PTPRD: variants seen among roughly 807,000 people sequenced by gnomAD.
The protein encoded by PTPRD is receptor-type tyrosine-protein phosphatase delta.
PTPRD carries 34 observed loss-of-function variants against 214.5 expected under a neutral mutation model. That is an observed-to-expected ratio of 0.16 (90% CI 0.12 to 0.21). The LOEUF (loss-of-function observed/expected upper bound fraction) is 0.21. Among genes scored for constraint, PTPRD ranks in the 10% least tolerant of loss-of-function variants. The pLI is 1.00. For synonymous variants in PTPRD, 1,128 were observed against 845.7 expected (o/e 1.33, Z -5.79); for missense variants, 2,545 against 2,398.7 (o/e 1.06, Z -1.27).
At chr9:10,215,806 A>G (rs1045373086) in intron 3 of PTPRD, among the ~76,000 whole-genome samples, 1 of 152,088 alleles carries the variant, frequency 6.6e-6, no homozygotes, top group Non-Finnish European at 1.5e-5. Context: ...ATGTATATCA[A>G]CATCCTTAAA....
intron 12 of PTPRD, among the ~76,000 whole-genome samples, chr9:8,643,282 A>T (rs1023871063): frequency 6.6e-6 from 1 of 152,114 alleles, no homozygotes; most frequent in African/African-American, 2.4e-5. Context: ...GAGTCTTGCA[A>T]GATGTTATCA....
At chr9:10,006,802 T>G (rs2096486691) in intron 4 of PTPRD, among the ~76,000 whole-genome samples, 1 of 151,920 alleles carries the variant, frequency 6.6e-6, no homozygotes. Context: ...TCTAGATATA[T>G]TCTATTGACA....
chr9:9,405,367 T>C (rs2072867910), intron 8 of PTPRD, among the ~76,000 whole-genome samples: 1 of 152,040 alleles, frequency 6.6e-6, no homozygotes, highest in East Asian at 1.9e-4. Flanking sequence ...CCAATTACCA[T>C]AGAAGTTGTA....
rs548094460 is a variant in PTPRD, at chr9:8,507,134, G to T, written c.1677+167C>A. 2.3e-3 allele frequency among the ~76,000 whole-genome samples: 342 copies of T among 151,864 alleles called. 1 individual carries two copies. The highest frequency in any genetic ancestry group is 3.9e-3 in the Non-Finnish European group (266 of 67,926). ...TTTTTGTCATTGTTGTTGTTTTGGGGTTTTTCTTGGGGGGGAGGGGGAGTC... is the reference window on the plus strand; with the variant it reads ...TTTTTGTCATTGTTGTTGTTTTGGGTTTTTTCTTGGGGGGGAGGGGGAGTC... On this transcript the variant is annotated intron_variant, in intron 22 of 45. Transcript: ENST00000381196.
chr9:10,365,698 C>T (rs771972468), intron 2 of PTPRD, among the ~76,000 whole-genome samples: 1 of 151,952 alleles, frequency 6.6e-6, no homozygotes, highest in African/African-American at 2.4e-5. Flanking sequence ...AAAAACAAAC[C>T]ATTAGGTTTA....
In PTPRD at chr9:9,395,005, G is replaced by T. The variant is rs2067245890; in HGVS notation, c.-203+2444C>A. On this transcript the variant is annotated intron_variant, in intron 9 of 45. Coordinates refer to ENST00000381196, the MANE Select transcript of PTPRD (RefSeq NM_002839.4). ...TGATTTAATTAGAGAAGCTATTTTGGTACAGGGGTTTTTCCATTGACCTAT... is the reference window on the plus strand; with the variant it reads ...TGATTTAATTAGAGAAGCTATTTTGTTACAGGGGTTTTTCCATTGACCTAT... 3.3e-5 allele frequency among the ~76,000 whole-genome samples: 5 copies of T among 151,948 alleles called. No homozygotes were observed. In the South Asian group the frequency reaches 8.3e-4, roughly 25 times the overall value.
At chr9:8,611,733 AAAAAGAAAAG>A (rs1363557439) in intron 14 of PTPRD, among the ~76,000 whole-genome samples, 1 of 148,948 alleles carries the variant, frequency 6.7e-6, no homozygotes, top group South Asian at 2.1e-4. Context: ...AGACAAAAGA[AAAAAGAAAAG>A]AAAAGAAAAG....
intron 7 of PTPRD, among the ~76,000 whole-genome samples, chr9:9,576,233 C>T (rs926773917): frequency 6.6e-6 from 1 of 152,102 alleles, no homozygotes; most frequent in Non-Finnish European, 1.5e-5. Context: ...AATAATACTT[C>T]ATTCTTAGGA....
At chr9:9,719,978 T>C (rs114385962) in intron 7 of PTPRD, among the ~76,000 whole-genome samples, 3,034 of 152,198 alleles carry the variant, frequency 0.02, 112 homozygotes, top group African/African-American at 0.069. Context: ...CTTGATTGTT[T>C]ACACACCCTT....
chr9:9,562,531 C>T (rs1243490479), intron 8 of PTPRD, among the ~76,000 whole-genome samples: 2 of 152,142 alleles, frequency 1.3e-5, no homozygotes, highest in East Asian at 1.9e-4. Context: ...TGCCTTCAAC[C>T]CCACCTCTGT....
chr9:10,194,398 A>C (rs1349789367), intron 3 of PTPRD, among the ~76,000 whole-genome samples: 1 of 134,508 alleles, frequency 7.4e-6, no homozygotes, highest in South Asian at 2.4e-4. Context: ...AGAGAGAGAG[A>C]GCTATTCACA....
intron 11 of PTPRD, among the ~76,000 whole-genome samples, chr9:8,866,444 G>C (rs111365395): frequency 9.9e-5 from 15 of 151,784 alleles, no homozygotes; most frequent in African/African-American, 3.4e-4. Context: ...TTCCTGATTG[G>C]CCCCAATCTA....
intron 30 of PTPRD, among the ~76,000 whole-genome samples, chr9:8,474,544 T>C (rs2096725508): frequency 6.6e-6 from 1 of 152,162 alleles, no homozygotes; most frequent in African/African-American, 2.4e-5. Flanking sequence ...AATAATGCCA[T>C]AAATTCATAA....
intron 2 of PTPRD, among the ~76,000 whole-genome samples, chr9:10,505,096 A>C (rs2045463864): frequency 6.6e-6 from 1 of 152,192 alleles, no homozygotes; most frequent in Non-Finnish European, 1.5e-5. Context: ...AAAAAGGCAA[A>C]ACCTTAAAGT....
At chr9:9,284,563 A>G (rs1380263972) in intron 9 of PTPRD, among the ~76,000 whole-genome samples, 1 of 151,680 alleles carries the variant, frequency 6.6e-6, no homozygotes, top group Non-Finnish European at 1.5e-5. Flanking sequence ...TTGGTCAATC[A>G]TTTCTCCACC....
intron 14 of PTPRD, among the ~76,000 whole-genome samples, chr9:8,596,219 G>A (rs1315181494): frequency 6.6e-6 from 1 of 151,836 alleles, no homozygotes; most frequent in Non-Finnish European, 1.5e-5. Context: ...ATCTTAATAT[G>A]AAAATAATAC....
At chr9:9,617,114 T>C (rs920165364) in intron 7 of PTPRD, among the ~76,000 whole-genome samples, 3 of 152,172 alleles carry the variant, frequency 2.0e-5, no homozygotes, top group East Asian at 1.9e-4. Flanking sequence ...CTGAGCTTAA[T>C]TGTAAAGAAT....
At chr9:9,919,095 A>G (rs35500319) in intron 5 of PTPRD, among the ~76,000 whole-genome samples, 42,807 of 152,004 alleles carry the variant, frequency 0.28, 6,282 homozygotes, top group East Asian at 0.4. Flanking sequence ...AAAAAGTTAA[A>G]ATATCCAAAT....
intron 11 of PTPRD, among the ~76,000 whole-genome samples, chr9:8,930,350 C>G (rs2098943886): frequency 6.6e-6 from 1 of 152,032 alleles, no homozygotes; most frequent in Non-Finnish European, 1.5e-5. Flanking sequence ...TTTTCTTAAT[C>G]CAGTCTATCA....
Sources: gnomAD v4.1 joint callset for allele counts (sites outside exome capture counted in the v4.1 genomes callset) on GRCh38, gnomAD v4.1.1 for gene constraint, MANE v1.5 for transcripts, NCBI Gene and HGNC (gene_info 2026-07-23, HGNC 2026-07-21) for gene names.